The following GRIN2A variants were observed in gnomAD, a reference collection of about 807,000 sequenced individuals.
GRIN2A encodes the protein glutamate receptor ionotropic, NMDA 2A.
In GRIN2A, 22 loss-of-function variants were observed where a neutral mutation model predicts 113.4. The ratio of observed to expected loss-of-function variants is 0.19; its 90% CI spans 0.14 to 0.28. The LOEUF is 0.28. Among genes scored for constraint, GRIN2A ranks in the 10% least tolerant of loss-of-function variants. The pLI is 1.00. For synonymous variants in GRIN2A, 827 were observed against 738.4 expected (o/e 1.12, Z -1.94); for missense variants, 1,502 against 1,887.0 (o/e 0.80, Z 3.78).
At position 9,797,871 on chromosome 16, in the gene GRIN2A, C is replaced by T. The variant is rs552334985; in HGVS notation, c.2356+406G>A. ...TTAGATCAGCAAGCAGATTCCCAGC[C>T]GTGATCACTGAATGTGTCTCCAGGC... is the stretch of plus-strand genomic sequence containing the variant. On this transcript the variant is annotated intron_variant, in intron 11 of 12. Coordinates refer to ENST00000330684, the MANE Select transcript of GRIN2A (RefSeq NM_001134407.3). Among the ~76,000 whole-genome samples, 112 of 152,218 alleles carry T rather than the reference C, an allele frequency of 7.4e-4. 1 individual carries two copies. The South Asian group carries it at 0.021, about 28-fold the overall frequency.
intron 2 of GRIN2A, among the ~76,000 whole-genome samples, chr16:10,129,513 A>C (rs565452569): frequency 6.6e-6 from 1 of 152,194 alleles, no homozygotes; most frequent in Non-Finnish European, 1.5e-5. Flanking sequence ...ACAGTCAGCA[A>C]TGTTTGAGAC....
intron 11 of GRIN2A, among the ~76,000 whole-genome samples, chr16:9,782,104 T>C (rs1004259430): frequency 6.6e-6 from 1 of 152,234 alleles, no homozygotes; most frequent in Non-Finnish European, 1.5e-5. Context: ...GGTGATTATA[T>C]GTACAGTCAG....
intron 4 of GRIN2A, among the ~76,000 whole-genome samples, chr16:9,889,367 T>A (rs1019588905): frequency 6.6e-6 from 1 of 152,186 alleles, no homozygotes; most frequent in Non-Finnish European, 1.5e-5. Context: ...TTTTGTGTGA[T>A]CATTATTGCT....
At chr16:10,010,526 C>T (rs1172914009) in intron 2 of GRIN2A, among the ~76,000 whole-genome samples, 3 of 152,130 alleles carry the variant, frequency 2.0e-5, no homozygotes, top group Non-Finnish European at 4.4e-5. Context: ...TAGTACCTAC[C>T]TGTAAAAATG....
At chr16:10,112,596 C>T (rs1296338387) in intron 2 of GRIN2A, 9 of 769,186 alleles carry the variant, frequency 1.2e-5, no homozygotes, top group Non-Finnish European at 2.4e-6. Context: ...AGACAGGGTG[C>T]AGCTCAAGAA....
chr16:9,799,501 G>T (rs914306065), intron 10 of GRIN2A, among the ~76,000 whole-genome samples: 12 of 152,144 alleles, frequency 7.9e-5, no homozygotes, highest in East Asian at 5.8e-4. Context: ...AGCTGCTCAG[G>T]TTGCATTCCT....
Position 9,973,538 on chromosome 16 carries a change from T to C in GRIN2A, c.415-34987A>G, listed in dbSNP as rs151131905. The stretch of plus-strand genomic sequence containing the variant: ...TGAAGAATAATGGCCAAAAAGAAAT[T>C]TGGTGAAAGACATAAACTTACAAAT... On this transcript the variant is annotated intron_variant, in intron 2 of 12. Coordinates refer to ENST00000330684, the MANE Select transcript of GRIN2A (RefSeq NM_001134407.3). Among the ~76,000 whole-genome samples, 548 of 152,132 alleles carry C rather than the reference T, an allele frequency of 3.6e-3. 4 individuals are homozygous for C. Among genetic ancestry groups the C allele is most frequent in the African/African-American group, 0.013 (525 of 41,494 alleles).
chr16:10,019,884 T>C (rs837706), intron 2 of GRIN2A, among the ~76,000 whole-genome samples: 103,964 of 152,116 alleles, frequency 0.68, 36,042 homozygotes, highest in Middle Eastern at 0.8. Flanking sequence ...TAATATCATA[T>C]TATACACTTG....
intron 2 of GRIN2A, among the ~76,000 whole-genome samples, chr16:9,988,696 T>C (rs372007928): frequency 6.6e-6 from 1 of 152,204 alleles, no homozygotes. Flanking sequence ...ATTATCTCCA[T>C]TATGAGGAAC....
chr16:10,177,324 G>A lies in GRIN2A; in HGVS notation c.414+2674C>T, dbSNP rs77677005. 4.5e-3 allele frequency among the ~76,000 whole-genome samples: 679 copies of A among 152,052 alleles called. 3 individuals are homozygous for A. Among genetic ancestry groups the A allele is most frequent in the African/African-American group, 0.016 (649 of 41,402 alleles). On this transcript the variant is annotated intron_variant, in intron 2 of 12. Transcript: ENST00000330684. ...TCACCCAACTCCTCTCAATATCACC[G>A]TTCCACATGGGGACCAGACATATAC...
chr16:9,767,396 T>A lies in GRIN2A; in HGVS notation c.2595+1455A>T, dbSNP rs944098793. 5.3e-5 allele frequency among the ~76,000 whole-genome samples: 8 copies of A among 152,144 alleles called. No homozygotes were observed. In the South Asian group the frequency reaches 6.2e-4, roughly 12 times the overall value. ...TAAACAATAGCATATAAAATTAGAT[T>A]TTTATTTATTTATTTTTATTATTAT... is the stretch of plus-strand genomic sequence containing the variant. On this transcript the variant is annotated intron_variant, in intron 12 of 12. Coordinates refer to ENST00000330684, the MANE Select transcript of GRIN2A (RefSeq NM_001134407.3).
At chr16:10,082,071 C>T (rs2047996004) in intron 2 of GRIN2A, among the ~76,000 whole-genome samples, 1 of 152,222 alleles carries the variant, frequency 6.6e-6, no homozygotes, top group African/African-American at 2.4e-5. Flanking sequence ...CCCACCTGGA[C>T]ACAGTGTCTT....
At chr16:10,077,649 T>G (rs150226772) in intron 2 of GRIN2A, among the ~76,000 whole-genome samples, 2 of 152,328 alleles carry the variant, frequency 1.3e-5, no homozygotes, top group Admixed American at 1.3e-4. Context: ...TACAAGGCCC[T>G]TTAGAGTTTG....
chr16:9,945,931 C>G (rs1223733329), intron 2 of GRIN2A, among the ~76,000 whole-genome samples: 1 of 152,068 alleles, frequency 6.6e-6, no homozygotes, highest in African/African-American at 2.4e-5. Context: ...AGACCTTGTC[C>G]CAGTTTACCA....
At chr16:10,164,855 A>T (rs1380700662) in intron 2 of GRIN2A, among the ~76,000 whole-genome samples, 1 of 152,224 alleles carries the variant, frequency 6.6e-6, no homozygotes, top group Non-Finnish European at 1.5e-5. Flanking sequence ...GTCTTAAAAG[A>T]GATGCAAATT....
intron 5 of GRIN2A, among the ~76,000 whole-genome samples, chr16:9,844,976 C>G (rs1288539926): frequency 6.6e-6 from 1 of 152,182 alleles, no homozygotes; most frequent in East Asian, 1.9e-4. Context: ...TTCACACAAT[C>G]ATGTTGTCTA....
chr16:10,031,921 T>C (rs1567246770), intron 2 of GRIN2A, among the ~76,000 whole-genome samples: 1 of 152,230 alleles, frequency 6.6e-6, no homozygotes, highest in Non-Finnish European at 1.5e-5. Context: ...CCCAGTCTCT[T>C]TCCACTTCCT....
At position 10,041,891 on chromosome 16, in the gene GRIN2A, C is replaced by T. The variant is rs75438353; in HGVS notation, c.415-103340G>A. ...TCCTTCTGCAATCTGCAGTCACCCC[C>T]TGGTACTTTATTTGTTCCTTTCCAC... On this transcript the variant is annotated intron_variant, in intron 2 of 12. Coordinates refer to ENST00000330684, the MANE Select transcript of GRIN2A (RefSeq NM_001134407.3). Among the ~76,000 whole-genome samples the T allele has an allele frequency of 2.8e-4, 43 of 152,332 alleles. No homozygotes were observed. The East Asian group carries it at 7.5e-3, about 27-fold the overall frequency.
chr16:10,092,459 G>C (rs1014447056), intron 2 of GRIN2A, among the ~76,000 whole-genome samples: 2 of 152,172 alleles, frequency 1.3e-5, no homozygotes, highest in African/African-American at 2.4e-5. Context: ...AAAGAGATCA[G>C]GGTGTCTTCA....
Sources: gnomAD v4.1 joint callset for allele counts (sites outside exome capture counted in the v4.1 genomes callset) on GRCh38, gnomAD v4.1.1 for gene constraint, MANE v1.5 for transcripts, NCBI Gene and HGNC (gene_info 2026-07-23, HGNC 2026-07-21) for gene names.